The following FCHSD1 variants were observed in gnomAD, a reference collection of about 807,000 sequenced individuals.
FCHSD1 encodes the protein FCH and double SH3 domains 1, also known as F-BAR and double SH3 domains protein 1.
A neutral mutation model predicts 101.3 loss-of-function variants in FCHSD1; 109 were observed. The observed-to-expected ratio is 1.08, with a 90% CI of 0.92 to 1.26. The LOEUF (loss-of-function observed/expected upper bound fraction) is 1.26, where lower values mean the gene tolerates loss of function less well. Ranked by LOEUF, FCHSD1 falls within the 50% of genes most tolerant of loss-of-function variation. The probability of loss-of-function intolerance (pLI) is 0.00; values close to 1 mark genes in which losing one functional copy is unlikely to be tolerated. For synonymous variants in FCHSD1, 291 were observed against 356.8 expected (o/e 0.82, Z 2.08); for missense variants, 820 against 895.8 (o/e 0.92, Z 1.08).
chr5:141,640,833 C>A lies in FCHSD1; in HGVS notation c.*665G>T. 2 of 654,180 alleles carry A rather than the reference C, an allele frequency of 3.1e-6. No individual in the cohort carries two copies. The highest frequency in any genetic ancestry group is 5.2e-6 in the Non-Finnish European group (2 of 387,968). 40.5% of individuals were successfully genotyped at this position (654,180 alleles called of 1,614,324 possible). On this transcript the variant is annotated 3_prime_UTR_variant, in exon 20 of 20. Transcript: ENST00000435817. ...AGGCTGGGGGCCTCAGGAGAGGTCA[C>A]AGCCCCTCAGTCTCTTCTCCTTCCC... is the stretch of plus-strand genomic sequence containing the variant.
rs1290534798 is a variant in FCHSD1, at chr5:141,641,209, T to C, written c.*289A>G. The C allele has an allele frequency of 2.7e-6, 1 of 372,420 alleles. No homozygotes were observed. Among genetic ancestry groups the C allele is most frequent in the South Asian group, 1.1e-4 (1 of 9,400 alleles). The allele number at this position is 372,420 out of a possible 1,614,324, so 23.1% of individuals were successfully genotyped here. On this transcript the variant is annotated 3_prime_UTR_variant, in exon 20 of 20. Coordinates refer to ENST00000435817, the MANE Select transcript of FCHSD1 (RefSeq NM_033449.3). ...AGGTGGGCCAGAACTACTAGAGACC[T>C]TGATGGATGGTTTCCAGCCCCAGAG...
intron 10 of FCHSD1, 110 bp downstream of exon 10, chr5:141,647,025 T>C: frequency 1.8e-6 from 2 of 1,102,112 alleles, no homozygotes; most frequent in South Asian, 1.6e-5. Flanking sequence ...TGAAACCCCC[T>C]CTCCACGGTG....
chr5:141,641,376 T>G lies in FCHSD1; in HGVS notation c.*122A>C. The G allele has an allele frequency of 1.2e-6, 1 of 864,482 alleles. No individual in the cohort carries two copies. The highest frequency in any genetic ancestry group is 1.7e-6 in the Non-Finnish European group (1 of 598,410). 53.6% of individuals were successfully genotyped at this position (864,482 alleles called of 1,614,324 possible). On this transcript the variant is annotated 3_prime_UTR_variant, in exon 20 of 20. Transcript: ENST00000435817. Reference sequence around the variant, plus strand: ...AGGGGCAAGTTTCCACCCTTGGAGGTGAGGGTGGAAATAAGGGCGATTCCA... The same window carrying G: ...AGGGGCAAGTTTCCACCCTTGGAGGGGAGGGTGGAAATAAGGGCGATTCCA...
intron 18 of FCHSD1, 181 bp downstream of exon 18, chr5:141,642,820 C>T (rs2099907115): frequency 1.0e-5 from 6 of 587,054 alleles, no homozygotes; most frequent in South Asian, 2.1e-5. Flanking sequence ...TCCCACCACA[C>T]ACTTGGAGAT....
chr5:141,647,741 G>A, intron 8 of FCHSD1: 2 of 955,306 alleles, frequency 2.1e-6, no homozygotes, highest in Non-Finnish European at 1.5e-6. Flanking sequence ...GATAGGCAGA[G>A]AAAGGGTTAT....
Position 141,640,401 on chromosome 5 carries a change from C to G in FCHSD1, c.*1097G>C, listed in dbSNP as rs2154598244. ...TGGTCTCTCATTGTTGACCCCTCCC[C>G]TTTCTCTCAGGTGTCTCTACCACAG... On this transcript the variant is annotated 3_prime_UTR_variant, in exon 20 of 20. Coordinates refer to ENST00000435817, the MANE Select transcript of FCHSD1 (RefSeq NM_033449.3). 3 of 1,614,176 alleles carry G rather than the reference C, an allele frequency of 1.9e-6. No homozygotes were observed. In the East Asian group the frequency reaches 6.7e-5, roughly 36 times the overall value.
Position 141,641,194 on chromosome 5 carries a change from G to C in FCHSD1, c.*304C>G. 2.7e-6 allele frequency: 1 copy of C among 365,138 alleles called. No individual in the cohort carries two copies. The highest frequency in any genetic ancestry group is 4.9e-6 in the Non-Finnish European group (1 of 203,752). 22.6% of individuals were successfully genotyped at this position (365,138 alleles called of 1,614,324 possible). A position where few individuals can be genotyped will look rare whatever the true frequency, so the allele number is the denominator to read the frequency against. ...CCAGGGTGGGGAAAGAGGTGGGCCA[G>C]AACTACTAGAGACCTTGATGGATGG... is the stretch of plus-strand genomic sequence containing the variant. On this transcript the variant is annotated 3_prime_UTR_variant, in exon 20 of 20. Coordinates refer to ENST00000435817, the MANE Select transcript of FCHSD1 (RefSeq NM_033449.3).
chr5:141,645,667 C>T, intron 13 of FCHSD1, 104 bp downstream of exon 13: 3 of 1,348,654 alleles, frequency 2.2e-6, no homozygotes, highest in South Asian at 1.5e-5. Context: ...TCGTAATAAC[C>T]CTTTGAGTTA....
Position 141,645,060 on chromosome 5 carries a change from C to A in FCHSD1, c.1400G>T (p.Arg467Met). 6.3e-7 allele frequency: 1 copy of A among 1,597,412 alleles called. No individual in the cohort carries two copies. Among genetic ancestry groups the A allele is most frequent in the African/African-American group, 1.3e-5 (1 of 74,796 alleles). Residue 467 changes from arginine to methionine, a missense_variant, in exon 14 of 20, where the codon AGG becomes ATG. Arg to Met is a moderately conservative substitution (Grantham distance 91, BLOSUM62 -1). Coordinates refer to ENST00000435817, the MANE Select transcript of FCHSD1 (RefSeq NM_033449.3). ...EEPAPQALATRALPCPAHVVF... is the reference protein window; with the variant it reads ...EEPAPQALATMALPCPAHVVF... ...CACGTGTGCAGGGCAGGGGAGGGCCCTCGTGGCCAGGGCTTGGGGGGCAGG... is the reference window on the plus strand; with the variant it reads ...CACGTGTGCAGGGCAGGGGAGGGCCATCGTGGCCAGGGCTTGGGGGGCAGG...
Position 141,647,613 on chromosome 5 carries a change from G to A in FCHSD1, c.706-93C>T, listed in dbSNP as rs2099907817. On this transcript the variant is annotated intron_variant, in intron 8 of 19. Transcript: ENST00000435817. The stretch of plus-strand genomic sequence containing the variant: ...CAGATTTGACAGGTGATGGGCATGA[G>A]GTATAGGAAGGAGAGAAGAAGACAT... 23 of 1,549,978 alleles carry A rather than the reference G, an allele frequency of 1.5e-5. 1 individual carries two copies. The South Asian group carries it at 2.5e-4, about 17-fold the overall frequency.
At position 141,640,246 on chromosome 5, in the gene FCHSD1, C is replaced by T. The variant is rs1049731746; in HGVS notation, c.*1252G>A. On this transcript the variant is annotated 3_prime_UTR_variant, in exon 20 of 20. Coordinates refer to ENST00000435817, the MANE Select transcript of FCHSD1 (RefSeq NM_033449.3). ...AGGGGCCCAAGCCCAGGGCTGCCCA[C>T]TCAAGAGGCAAATGGGCAGCCAAGC... 1.2e-6 allele frequency: 2 copies of T among 1,614,084 alleles called. No individual in the cohort carries two copies. Among genetic ancestry groups the T allele is most frequent in the African/African-American group, 2.7e-5 (2 of 75,056 alleles).
In FCHSD1 at chr5:141,650,420, G is replaced by C. The variant is rs541289455; in HGVS notation, c.120-16C>G. The C allele has an allele frequency of 6.2e-7, 1 of 1,613,848 alleles. No homozygotes were observed. The highest frequency in any genetic ancestry group is 1.1e-5 in the South Asian group (1 of 91,074). On this transcript the variant is annotated splice_polypyrimidine_tract_variant and intron_variant, in intron 2 of 19. Transcript: ENST00000435817. The stretch of plus-strand genomic sequence containing the variant: ...GCTGTAGGATCTGCGGAGATTGCAG[G>C]TCGGGGGTGAGGTGGGGGATAAGGT...
chr5:141,643,186 C>A, intron 17 of FCHSD1, 98 bp from the exon 18 acceptor site: 2 of 978,868 alleles, frequency 2.0e-6, no homozygotes, highest in Non-Finnish European at 2.9e-6. Flanking sequence ...CATCACTTCT[C>A]AATACAGGAA....
Position 141,650,410 on chromosome 5 carries a change from G to C in FCHSD1, c.120-6C>G. 6.2e-7 allele frequency: 1 copy of C among 1,613,950 alleles called. No homozygotes were observed. The highest frequency in any genetic ancestry group is 1.7e-5 in the Admixed American group (1 of 60,016). ...CCCTCTGCTTGCTGTAGGATCTGCGGAGATTGCAGGTCGGGGGTGAGGTGG... is the reference window on the plus strand; with the variant it reads ...CCCTCTGCTTGCTGTAGGATCTGCGCAGATTGCAGGTCGGGGGTGAGGTGG... On this transcript the variant is annotated splice_region_variant and splice_polypyrimidine_tract_variant and intron_variant, in intron 2 of 19. Coordinates refer to ENST00000435817, the MANE Select transcript of FCHSD1 (RefSeq NM_033449.3).
At chr5:141,642,538 AT>A (rs1241578646) in intron 18 of FCHSD1, 8 of 531,422 alleles carry the variant, frequency 1.5e-5, no homozygotes, top group Non-Finnish European at 2.3e-5. Context: ...TGCTATAGAC[AT>A]TTAAAAAAGA....
At chr5:141,650,285 A>C in intron 3 of FCHSD1, 74 bp downstream of exon 3, 3 of 1,580,530 alleles carry the variant, frequency 1.9e-6, no homozygotes, top group Non-Finnish European at 2.6e-6. Flanking sequence ...CAATAGGGAT[A>C]GGTATGGACA....
At position 141,644,421 on chromosome 5, in the gene FCHSD1, G is replaced by A; in HGVS notation, c.1660C>T (p.Leu554=). ...GCACTCTGTCCGGTGTAGCTGTACA[G>A]GGCCTGTGCCAGGAATGCTACAGAG... ...AEPTAFLAQA[L]YSYTGQSAEE... Residue 554 remains leucine (L), a synonymous_variant, in exon 17 of 20, where the codon CTG becomes TTG. Transcript: ENST00000435817. 6.2e-7 allele frequency: 1 copy of A among 1,613,810 alleles called. No homozygotes were observed. The highest frequency in any genetic ancestry group is 8.5e-7 in the Non-Finnish European group (1 of 1,179,828).
Position 141,648,103 on chromosome 5 carries a change from G to A in FCHSD1, c.577-7C>T, listed in dbSNP as rs755401987. Reference sequence around the variant, plus strand: ...GGGCTGACTGGGCGGACAGCTAGGAGGGTAAACTGATGTCAATAGGAAGCC... The same window carrying A: ...GGGCTGACTGGGCGGACAGCTAGGAAGGTAAACTGATGTCAATAGGAAGCC... On this transcript the variant is annotated splice_region_variant and splice_polypyrimidine_tract_variant and intron_variant, in intron 7 of 19. Coordinates refer to ENST00000435817, the MANE Select transcript of FCHSD1 (RefSeq NM_033449.3). The A allele has an allele frequency of 1.3e-5, 21 of 1,603,786 alleles. No homozygotes were observed. In the South Asian group the frequency reaches 1.4e-4, roughly 11 times the overall value.
At chr5:141,651,288 C>T (rs1403707636) in intron 1 of FCHSD1, 60 bp downstream of exon 1, 4 of 1,550,634 alleles carry the variant, frequency 2.6e-6, no homozygotes, top group Non-Finnish European at 3.5e-6. Flanking sequence ...AGTCGGATGC[C>T]CCCTTAGCTC....
Sources: allele counts gnomAD v4.1 joint callset, GRCh38; gene constraint gnomAD v4.1.1; transcripts MANE v1.5; gene names NCBI Gene and HGNC (gene_info 2026-07-23, HGNC 2026-07-21).